ANKRD12: variants seen among roughly 807,000 people sequenced by gnomAD.
ANKRD12 encodes the protein ankyrin repeat domain 12.
Under a neutral mutation model 183.4 loss-of-function variants are expected in ANKRD12, and 85 were observed. That is an observed-to-expected ratio of 0.46 (90% confidence interval 0.39 to 0.56). The LOEUF is 0.56. Among genes scored for constraint, ANKRD12 ranks in the 20% least tolerant of loss-of-function variants. The pLI is 0.00. For missense variants in ANKRD12, 2,405 were observed against 2,357.1 expected (o/e 1.02, Z -0.42); for synonymous variants, 914 against 800.2 (o/e 1.14, Z -2.40).
At chr18:9,165,793 T>C (rs1268224910) in intron 1 of ANKRD12, among the ~76,000 whole-genome samples, 1 of 151,830 alleles carries the variant, frequency 6.6e-6, no homozygotes, top group African/African-American at 2.4e-5. Context: ...TATGTATACA[T>C]GTGCCATGTT....
Position 9,256,096 on chromosome 18 carries a change from C to T in ANKRD12, c.2829C>T (p.Tyr943=), listed in dbSNP as rs751147269. The change falls in exon 9 of 13, where the codon TAC becomes TAT. Residue 943 remains tyrosine, a synonymous_variant. Transcript: ENST00000262126. Reference sequence around the variant, plus strand: ...ATAAACAATCAGATAATAGTGAATACAGTAAATCAGAAAAAGGCAAAAATA... The same window carrying T: ...ATAAACAATCAGATAATAGTGAATATAGTAAATCAGAAAAAGGCAAAAATA... ...KKNKQSDNSE[Y]SKSEKGKNKE... 5.1e-6 allele frequency: 8 copies of T among 1,555,854 alleles called. No individual in the cohort carries two copies. In the Admixed American group the frequency reaches 6.6e-5, roughly 13 times the overall value.
At chr18:9,221,573 A>G (rs1392235639) in intron 7 of ANKRD12, among the ~76,000 whole-genome samples, 2 of 152,208 alleles carry the variant, frequency 1.3e-5, no homozygotes, top group East Asian at 1.9e-4. Context: ...ATTTGACTTT[A>G]TGATGGAACA....
Position 9,184,550 on chromosome 18 carries a change from G to A in ANKRD12, c.87+2031G>A, listed in dbSNP as rs1028743826. The stretch of plus-strand genomic sequence containing the variant: ...TGAGACCGCAGGTGCACACCACTAT[G>A]CCCAGAGATAGGGTTTCATCATGTC... On this transcript the variant is annotated intron_variant, in intron 2 of 12. Transcript: ENST00000262126. Among the ~76,000 whole-genome samples the A allele has an allele frequency of 2.0e-5, 3 of 152,114 alleles. No individual in the cohort carries two copies. In the South Asian group the frequency reaches 6.2e-4, roughly 32 times the overall value.
At chr18:9,239,116 C>A (rs1012586051) in intron 8 of ANKRD12, among the ~76,000 whole-genome samples, 2 of 152,096 alleles carry the variant, frequency 1.3e-5, no homozygotes, top group African/African-American at 2.4e-5. Flanking sequence ...CAGAGTGAGA[C>A]CCTGTCTCAA....
At chr18:9,231,408 A>G (rs1044182133) in intron 8 of ANKRD12, among the ~76,000 whole-genome samples, 6 of 151,934 alleles carry the variant, frequency 3.9e-5, no homozygotes, top group African/African-American at 1.2e-4. Context: ...TTGCTTTGTA[A>G]ATCTGGGTAC....
Position 9,258,321 on chromosome 18 carries a change from A to T in ANKRD12, c.5054A>T (p.Glu1685Val), listed in dbSNP as rs1389752978. The T allele has an allele frequency of 6.2e-7, 1 of 1,613,704 alleles. No individual in the cohort carries two copies. The highest frequency in any genetic ancestry group is 2.2e-5 in the East Asian group (1 of 44,866). The change falls in exon 9 of 13, where the codon GAG becomes GTG. Residue 1685 changes from glutamate (E) to valine (V), a missense_variant. Transcript: ENST00000262126. ...SEKCLLSIED[E>V]ESQQSILSSL... ...AAGTGTTTGCTTTCCATAGAAGATGAGGAATCTCAACAAAGCATTTTATCA... is the reference window on the plus strand; with the variant it reads ...AAGTGTTTGCTTTCCATAGAAGATGTGGAATCTCAACAAAGCATTTTATCA...
chr18:9,277,328 T>C (rs1466236258), intron 11 of ANKRD12, among the ~76,000 whole-genome samples: 7 of 145,198 alleles, frequency 4.8e-5, no homozygotes, highest in South Asian at 2.3e-4. Flanking sequence ...TTTCTTTTTT[T>C]TTTTTTTTTT....
intron 2 of ANKRD12, among the ~76,000 whole-genome samples, chr18:9,191,851 A>G (rs1447013738): frequency 6.6e-6 from 1 of 151,828 alleles, no homozygotes; most frequent in Non-Finnish European, 1.5e-5. Flanking sequence ...TGTCCTAATC[A>G]CCCCAGAACC....
At chr18:9,269,700 A>ATAGG (rs776553700) in intron 10 of ANKRD12, among the ~76,000 whole-genome samples, 50 of 152,238 alleles carry the variant, frequency 3.3e-4, no homozygotes, top group Non-Finnish European at 6.6e-4. Flanking sequence ...CATTCAGGAC[A>ATAGG]TAGGCATGGG....
At chr18:9,137,861 G>A (rs1469548221) in intron 1 of ANKRD12, 1 of 152,220 alleles carries the variant, frequency 6.6e-6, no homozygotes, top group Non-Finnish European at 1.5e-5. Context: ...TGAATAAACG[G>A]TTGTACAAAG....
chr18:9,263,676 C>T lies in ANKRD12; in HGVS notation c.5665-114C>T, dbSNP rs186774423. ...ATAACTAGTGCTGTATTATTTAATT[C>T]ACAGGACATCAGAATTTGTTTTTTT... On this transcript the variant is annotated intron_variant, in intron 9 of 12. Transcript: ENST00000262126. 1.7e-4 allele frequency: 107 copies of T among 625,230 alleles called. No homozygotes were observed. In the African/African-American group the frequency reaches 1.7e-3, roughly 10 times the overall value. 38.7% of individuals were successfully genotyped at this position (625,230 alleles called of 1,614,324 possible).
chr18:9,227,788 GTTATTT>G (rs1376567233), intron 8 of ANKRD12, among the ~76,000 whole-genome samples: 1 of 152,120 alleles, frequency 6.6e-6, no homozygotes, highest in Non-Finnish European at 1.5e-5. Context: ...CACCTTAAGT[GTTATTT>G]TTATATGTTG....
At chr18:9,264,985 G>T (rs2039197563) in intron 10 of ANKRD12, among the ~76,000 whole-genome samples, 1 of 152,234 alleles carries the variant, frequency 6.6e-6, no homozygotes. Context: ...TATCTCCTGC[G>T]CCTGACTAAG....
rs36156556 is a variant in ANKRD12, at chr18:9,196,108, A to AACACAC, written c.235+448_235+453dup. On this transcript the variant is annotated intron_variant, in intron 3 of 12. Coordinates refer to ENST00000262126, the MANE Select transcript of ANKRD12 (RefSeq NM_015208.5). ...TTCAGAAATAAATTAGAAACATGCA[A>AACACAC]ACACACACACACACACACACACACA... 1.7e-3 allele frequency among the ~76,000 whole-genome samples: 106 copies of AACACAC among 64,162 alleles called. 1 individual carries two copies. Among genetic ancestry groups the AACACAC allele is most frequent in the African/African-American group, 4.5e-3 (82 of 18,170 alleles). The allele number at this position is 64,162 out of a possible 152,430, so 42.1% of individuals were successfully genotyped here.
chr18:9,187,530 C>A (rs2034170363), intron 2 of ANKRD12, among the ~76,000 whole-genome samples: 1 of 152,158 alleles, frequency 6.6e-6, no homozygotes, highest in Non-Finnish European at 1.5e-5. Context: ...ACCAAAATTT[C>A]ACTCCTTAAA....
At chr18:9,153,678 C>A (rs2029942934) in intron 1 of ANKRD12, among the ~76,000 whole-genome samples, 1 of 151,994 alleles carries the variant, frequency 6.6e-6, no homozygotes, top group Non-Finnish European at 1.5e-5. Flanking sequence ...AATTATTGGT[C>A]ATTTTTTTCA....
Position 9,285,924 on chromosome 18 carries a change from T to A in ANKRD12, c.*4798T>A, listed in dbSNP as rs1457427019. ...CAAATTTGTTTATTCGTTCTCTTGT[T>A]GGTATTTGGATTGTTTCCAGTTTGG... On this transcript the variant is annotated 3_prime_UTR_variant, in exon 13 of 13. Coordinates refer to ENST00000262126, the MANE Select transcript of ANKRD12 (RefSeq NM_015208.5). The A allele has an allele frequency of 6.6e-6, 1 of 152,230 alleles. No homozygotes were observed. Among genetic ancestry groups the A allele is most frequent in the Admixed American group, 6.6e-5 (1 of 15,262 alleles). 9.4% of individuals were successfully genotyped at this position (152,230 alleles called of 1,614,324 possible).
chr18:9,186,620 T>C (rs1032879284), intron 2 of ANKRD12, among the ~76,000 whole-genome samples: 5 of 152,228 alleles, frequency 3.3e-5, no homozygotes, highest in Admixed American at 3.3e-4. Flanking sequence ...CTGTAGTTTT[T>C]ATTCCAAAGA....
At chr18:9,195,223 A>G (rs1200553216) in intron 2 of ANKRD12, among the ~76,000 whole-genome samples, 1 of 152,184 alleles carries the variant, frequency 6.6e-6, no homozygotes, top group South Asian at 2.1e-4. Flanking sequence ...AAAACTGCCT[A>G]TCAGGTACTA....
Sources: gnomAD v4.1 joint callset for allele counts (sites outside exome capture counted in the v4.1 genomes callset) on GRCh38, gnomAD v4.1.1 for gene constraint, MANE v1.5 for transcripts, NCBI Gene and HGNC (gene_info 2026-07-23, HGNC 2026-07-21) for gene names.